Variants in MAGI1 observed in about 807,000 individuals in gnomAD.
The protein encoded by MAGI1 is membrane associated guanylate kinase, WW and PDZ domain containing 1, also known as membrane-associated guanylate kinase, WW and PDZ domain-containing protein 1.
Under a neutral mutation model 139.9 loss-of-function variants are expected in MAGI1, and 58 were observed. The ratio of observed to expected loss-of-function variants is 0.41; its 90% CI spans 0.34 to 0.52. The LOEUF (loss-of-function observed/expected upper bound fraction) is 0.52. Ranked by LOEUF, MAGI1 falls within the 20% of genes least tolerant of loss-of-function variation. MAGI1 has a pLI of 0.12. For missense variants in MAGI1, 1,874 were observed against 1,901.6 expected (o/e 0.99, Z 0.27); for synonymous variants, 812 against 737.9 (o/e 1.10, Z -1.63).
intron 2 of MAGI1, among the ~76,000 whole-genome samples, chr3:65,562,261 C>T (rs565761528): frequency 1.9e-4 from 29 of 152,234 alleles, no homozygotes; most frequent in African/African-American, 2.9e-4. Context: ...AAACTTACCA[C>T]GTTTTATCAA....
intron 1 of MAGI1, among the ~76,000 whole-genome samples, chr3:66,002,590 A>T (rs2066803232): frequency 6.6e-6 from 1 of 151,956 alleles, no homozygotes; most frequent in Non-Finnish European, 1.5e-5. Flanking sequence ...ATCTCGACTC[A>T]CTGCAGCCTC....
intron 1 of MAGI1, among the ~76,000 whole-genome samples, chr3:65,668,701 G>C (rs1014668494): frequency 1.3e-5 from 2 of 151,194 alleles, no homozygotes; most frequent in East Asian, 3.9e-4. Context: ...TAAGTAGCTG[G>C]GGTTACAGGC....
At chr3:65,846,850 T>C (rs994256505) in intron 1 of MAGI1, among the ~76,000 whole-genome samples, 3 of 151,998 alleles carry the variant, frequency 2.0e-5, no homozygotes, top group Non-Finnish European at 4.4e-5. Flanking sequence ...AATACATATT[T>C]GAAAGGATGG....
chr3:65,817,343 T>C (rs752028416), intron 1 of MAGI1, among the ~76,000 whole-genome samples: 1 of 152,218 alleles, frequency 6.6e-6, no homozygotes, highest in South Asian at 2.1e-4. Flanking sequence ...ACTTAGCTAA[T>C]TGTACGTATA....
intron 1 of MAGI1, among the ~76,000 whole-genome samples, chr3:65,880,038 T>C (rs1467251013): frequency 2.0e-5 from 3 of 152,154 alleles, no homozygotes; most frequent in Non-Finnish European, 4.4e-5. Context: ...AAGCAGGAGT[T>C]CAAGACCAGC....
intron 5 of MAGI1, among the ~76,000 whole-genome samples, chr3:65,464,871 A>C (rs1575853633): frequency 2.0e-5 from 3 of 151,112 alleles, no homozygotes; most frequent in Admixed American, 2.0e-4. Flanking sequence ...TGTGGGTTAC[A>C]TGAATATTTT....
intron 1 of MAGI1, among the ~76,000 whole-genome samples, chr3:65,971,613 AAAC>A (rs1354149112): frequency 1.3e-5 from 2 of 152,208 alleles, no homozygotes; most frequent in Admixed American, 1.3e-4. Context: ...AATTCAAAGA[AAAC>A]AAACTGTGAA....
chr3:65,635,992 A>G (rs2107192961), intron 1 of MAGI1, among the ~76,000 whole-genome samples: 1 of 152,344 alleles, frequency 6.6e-6, no homozygotes, highest in African/African-American at 2.4e-5. Context: ...GTCTGAAAAA[A>G]GTGACACAAT....
At chr3:65,405,848 C>T (rs1442622174) in intron 12 of MAGI1, among the ~76,000 whole-genome samples, 1 of 134,896 alleles carries the variant, frequency 7.4e-6, no homozygotes, top group African/African-American at 2.6e-5. Flanking sequence ...CCACCTCAGC[C>T]TCCCAACGTG....
chr3:65,982,491 A>G (rs1214747511), intron 1 of MAGI1, among the ~76,000 whole-genome samples: 3 of 152,214 alleles, frequency 2.0e-5, no homozygotes, highest in Admixed American at 6.5e-5. Flanking sequence ...GGTGCATTTA[A>G]AAAGGGAAGA....
intron 2 of MAGI1, among the ~76,000 whole-genome samples, chr3:65,508,989 G>A (rs1373080998): frequency 6.6e-6 from 1 of 152,174 alleles, no homozygotes; most frequent in African/African-American, 2.4e-5. Context: ...AGCCAGGGAA[G>A]ACCTGGTGAT....
intron 1 of MAGI1, among the ~76,000 whole-genome samples, chr3:65,667,638 C>T (rs1186161653): frequency 6.6e-6 from 1 of 152,186 alleles, no homozygotes; most frequent in Non-Finnish European, 1.5e-5. Flanking sequence ...GTGGTGCAAT[C>T]ATGGCTCCGT....
At chr3:65,597,558 A>ACGCAGC (rs1321110500) in intron 2 of MAGI1, 2 of 419,034 alleles carry the variant, frequency 4.8e-6, no homozygotes, top group Non-Finnish European at 9.8e-6. Flanking sequence ...GTGAATTAAA[A>ACGCAGC]CGCAGCCGCA....
chr3:65,951,003 GGAAGGAAGGAAGGAAGGAAGGA>G, intron 1 of MAGI1, among the ~76,000 whole-genome samples: 1 of 131,636 alleles, frequency 7.6e-6, no homozygotes, highest in South Asian at 2.8e-4. Flanking sequence ...AAGGAAGGAA[GGAAGGAAGGAAGGAAGGAAGGA>G]AGGAAGGAAG....
At chr3:65,929,410 A>C (rs980812997) in intron 1 of MAGI1, among the ~76,000 whole-genome samples, 8 of 151,240 alleles carry the variant, frequency 5.3e-5, no homozygotes, top group Admixed American at 2.0e-4. Flanking sequence ...GCGCGATCTC[A>C]GCTTACTGCA....
At position 65,890,602 on chromosome 3, in the gene MAGI1, C is replaced by T. The variant is rs149655998; in HGVS notation, c.313+147394G>A. Among the ~76,000 whole-genome samples the T allele has an allele frequency of 2.0e-5, 3 of 152,326 alleles. No individual in the cohort carries two copies. In the East Asian group the frequency reaches 5.8e-4, roughly 29 times the overall value. On this transcript the variant is annotated intron_variant, in intron 1 of 22. Coordinates refer to ENST00000402939, the MANE Select transcript of MAGI1 (RefSeq NM_001033057.2). ...GAACATTCCAACTTTAACACCACAT[C>T]CAACGCAAACACTTCTTTAAAAGAA...
chr3:65,806,636 G>A (rs2040872233), intron 1 of MAGI1, among the ~76,000 whole-genome samples: 1 of 152,108 alleles, frequency 6.6e-6, no homozygotes, highest in African/African-American at 2.4e-5. Flanking sequence ...ATCATTCATT[G>A]CTCAGTTAAA....
At chr3:65,771,098 G>A (rs552726644) in intron 1 of MAGI1, among the ~76,000 whole-genome samples, 2 of 152,050 alleles carry the variant, frequency 1.3e-5, no homozygotes, top group East Asian at 3.9e-4. Flanking sequence ...CCTGAGGCCA[G>A]GAGTTCGAGA....
At chr3:65,637,621 T>G (rs988122539) in intron 1 of MAGI1, among the ~76,000 whole-genome samples, 1 of 139,500 alleles carries the variant, frequency 7.2e-6, no homozygotes, top group African/African-American at 2.7e-5. Context: ...AGAAAGAAAA[T>G]TGCAAAAGGG....
Sources: allele counts gnomAD v4.1 joint callset (sites outside exome capture counted in the v4.1 genomes callset), GRCh38; gene constraint gnomAD v4.1.1; transcripts MANE v1.5; gene names NCBI Gene and HGNC (gene_info 2026-07-23, HGNC 2026-07-21).